The following DPH6 variants were observed in gnomAD, a reference collection of about 807,000 sequenced individuals.
DPH6 encodes diphthamine biosynthesis 6, also known as diphthine--ammonia ligase.
A neutral mutation model predicts 38.2 loss-of-function variants in DPH6; 33 were observed. The observed-to-expected ratio is 0.86, with a 90% CI of 0.65 to 1.15. The LOEUF (loss-of-function observed/expected upper bound fraction) is 1.15, where lower values mean the gene tolerates loss of function less well. Ranked by LOEUF, DPH6 falls within the 50% of genes most tolerant of loss-of-function variation. The pLI is 0.00. For missense variants in DPH6, 325 were observed against 320.0 expected, an observed-to-expected ratio of 1.02 and a Z score of -0.12; for synonymous variants, 108 against 103.0, an observed-to-expected ratio of 1.05 and a Z score of -0.30.
At chr15:35,289,756 T>C (rs923048126) in intron 3 of DPH6, among the ~76,000 whole-genome samples, 2 of 151,268 alleles carry the variant, frequency 1.3e-5, no homozygotes, top group African/African-American at 4.9e-5. Context: ...TTGTCCTTTA[T>C]GAATGTTTCC....
intron 1 of DPH6, 69 bp downstream of exon 1, chr15:35,546,050 C>G: frequency 7.8e-7 from 1 of 1,283,518 alleles, no homozygotes; most frequent in Non-Finnish European, 1.0e-6. Context: ...ACTCTTTCGG[C>G]GCTAGCGGCG....
intron 3 of DPH6, among the ~76,000 whole-genome samples, chr15:35,268,921 A>C (rs1027706945): frequency 2.6e-5 from 4 of 152,158 alleles, no homozygotes; most frequent in Non-Finnish European, 4.4e-5. Context: ...TAAAATAAAG[A>C]ATATTAAATA....
At chr15:35,359,777 G>C (rs186971026) in intron 3 of DPH6, among the ~76,000 whole-genome samples, 6 of 152,160 alleles carry the variant, frequency 3.9e-5, no homozygotes, top group Admixed American at 2.6e-4. Context: ...GTCTCATTGT[G>C]TCTGTTTTTG....
chr15:35,498,982 T>C (rs1057300989), intron 3 of DPH6, among the ~76,000 whole-genome samples: 6 of 150,408 alleles, frequency 4.0e-5, no homozygotes, highest in Admixed American at 2.7e-4. Context: ...CCGTTATATA[T>C]GTTAATATAT....
chr15:35,175,999 A>C, the DPH6 span, among the ~76,000 whole-genome samples: 1 of 152,234 alleles, frequency 6.6e-6, no homozygotes, highest in Non-Finnish European at 1.5e-5. Context: ...GAGGTTGTTA[A>C]ATCAGTTACT....
At position 35,434,724 on chromosome 15, in the gene DPH6, A is replaced by AT. The variant is rs1470028300; in HGVS notation, c.505+15960_505+15961insA. Reference sequence around the variant, plus strand: ...AAATTCAAAGCAATAAAGATGAAAAAATATATAATTAAGAAACATAAATTA... The same window carrying AT: ...AAATTCAAAGCAATAAAGATGAAAAATATATATAATTAAGAAACATAAATTA... On this transcript the variant is annotated intron_variant, in intron 5 of 8. Coordinates refer to ENST00000256538, the MANE Select transcript of DPH6 (RefSeq NM_080650.4). Among the ~76,000 whole-genome samples the AT allele has an allele frequency of 7.9e-5, 12 of 152,288 alleles. No individual in the cohort carries two copies. The East Asian group carries it at 1.9e-3, about 24-fold the overall frequency.
chr15:35,408,118 T>C (rs2053319085), intron 6 of DPH6, among the ~76,000 whole-genome samples: 1 of 151,944 alleles, frequency 6.6e-6, no homozygotes, highest in Admixed American at 6.6e-5. Flanking sequence ...GGATTTATAA[T>C]AGAATATATT....
At chr15:35,282,720 A>T in intron 3 of DPH6, 2 of 364,502 alleles carry the variant, frequency 5.5e-6, no homozygotes, top group Non-Finnish European at 1.1e-5. Context: ...CTTACGTGGG[A>T]AGGACAGCAG....
chr15:35,334,194 T>A (rs532763827), intron 3 of DPH6, among the ~76,000 whole-genome samples: 183 of 152,152 alleles, frequency 1.2e-3, no homozygotes, highest in Non-Finnish European at 2.2e-3. Flanking sequence ...AAACATTTTT[T>A]AAAAAAAGGT....
chr15:35,276,745 C>A (rs1428172245), intron 3 of DPH6, among the ~76,000 whole-genome samples: 1 of 150,828 alleles, frequency 6.6e-6, no homozygotes, highest in Non-Finnish European at 1.5e-5. Flanking sequence ...TTTGGCTGTA[C>A]TTGGATTTAT....
At chr15:35,202,465 A>G in the DPH6 span, among the ~76,000 whole-genome samples, 1 of 151,812 alleles carries the variant, frequency 6.6e-6, no homozygotes, top group African/African-American at 2.4e-5. Flanking sequence ...CAAGCTTCCA[A>G]TCTAGAATGT....
downstream of DPH6, among the ~76,000 whole-genome samples, chr15:35,327,222 T>C (rs1261126839): frequency 6.6e-6 from 1 of 152,226 alleles, no homozygotes; most frequent in Non-Finnish European, 1.5e-5. Flanking sequence ...AACATTTTAG[T>C]TCTTGCTTAG....
the DPH6 span, among the ~76,000 whole-genome samples, chr15:35,204,124 A>C: frequency 8.6e-5 from 13 of 151,826 alleles, no homozygotes; most frequent in African/African-American, 3.1e-4. Context: ...TCCTGTACTT[A>C]AGTGCACCAT....
intron 3 of DPH6, among the ~76,000 whole-genome samples, chr15:35,481,888 A>T (rs2054331888): frequency 6.6e-6 from 1 of 152,214 alleles, no homozygotes; most frequent in Non-Finnish European, 1.5e-5. Flanking sequence ...AATATGGTAG[A>T]TTTATTATTT....
At chr15:35,389,419 C>T (rs1388447856) in intron 6 of DPH6, among the ~76,000 whole-genome samples, 2 of 152,174 alleles carry the variant, frequency 1.3e-5, no homozygotes, top group Non-Finnish European at 1.5e-5. Context: ...TCTCATTGAT[C>T]TGTCTAATGT....
At chr15:35,449,488 G>C (rs1250591677) in intron 5 of DPH6, among the ~76,000 whole-genome samples, 1 of 152,020 alleles carries the variant, frequency 6.6e-6, no homozygotes, top group Non-Finnish European at 1.5e-5. Flanking sequence ...GGCAGTAAAA[G>C]GAATAGTATG....
At chr15:35,310,153 G>T (rs2052128453) in intron 3 of DPH6, among the ~76,000 whole-genome samples, 1 of 152,156 alleles carries the variant, frequency 6.6e-6, no homozygotes. Flanking sequence ...AGCCCAGATT[G>T]AGAACACCAC....
chr15:35,251,062 G>C (rs1487793474), intron 3 of DPH6, among the ~76,000 whole-genome samples: 1 of 152,144 alleles, frequency 6.6e-6, no homozygotes, highest in East Asian at 1.9e-4. Context: ...TAGACACATG[G>C]ATCAGTTTCT....
At chr15:35,337,667 A>G (rs1186736784) in intron 3 of DPH6, among the ~76,000 whole-genome samples, 1 of 152,192 alleles carries the variant, frequency 6.6e-6, no homozygotes, top group South Asian at 2.1e-4. Context: ...TCTTCACAGA[A>G]TTGGAAAAAA....
Sources: gnomAD v4.1 joint callset for allele counts (sites outside exome capture counted in the v4.1 genomes callset) on GRCh38, gnomAD v4.1.1 for gene constraint, MANE v1.5 for transcripts, NCBI Gene and HGNC (gene_info 2026-07-23, HGNC 2026-07-21) for gene names.